Variants in ALG8 observed in about 807,000 individuals in gnomAD.
ALG8 encodes the protein dolichyl pyrophosphate Glc1Man9GlcNAc2 alpha-1,3-glucosyltransferase.
A neutral mutation model predicts 70.2 loss-of-function variants in ALG8; 48 were observed. The observed-to-expected ratio is 0.68, with a 90% CI of 0.54 to 0.87. ALG8 has a LOEUF of 0.87. ALG8 is among the 40% of genes least tolerant of loss of function. The pLI is 0.00. For synonymous variants in ALG8, 234 were observed against 229.0 expected, an observed-to-expected ratio of 1.02 and a Z score of -0.20; for missense variants, 572 against 608.7, an observed-to-expected ratio of 0.94 and a Z score of 0.64.
Position 78,109,491 on chromosome 11 carries a change from G to A in ALG8, c.989C>T (p.Pro330Leu), listed in dbSNP as rs1402505206. 1.2e-6 allele frequency: 2 copies of A among 1,614,016 alleles called. No homozygotes were observed. Among genetic ancestry groups the A allele is most frequent in the Non-Finnish European group, 1.7e-6 (2 of 1,180,018 alleles). The stretch of plus-strand genomic sequence containing the variant: ...GAGGGTTGCCAAGGGAGTCACTGAG[G>A]GAAGGACTGTGTGTTGGAACTGCTG... ...LVQQFQHTVL[P>L]SVTPLATLIC... The change falls in exon 9 of 13, where the codon CCC becomes CTC. Residue 330 changes from proline (P) to leucine (L), a missense_variant. Physicochemically the swap from Pro to Leu is moderately conservative, Grantham distance 98. Transcript: ENST00000299626.
intron 1 of ALG8, among the ~76,000 whole-genome samples, chr11:78,135,559 A>T (rs629390): frequency 0.22 from 33,137 of 150,954 alleles, 4,481 homozygotes; most frequent in African/African-American, 0.38. Context: ...AAATACATTT[A>T]AAAAAAAAGC....
chr11:78,132,683 T>C (rs626477), intron 1 of ALG8, among the ~76,000 whole-genome samples: 32,973 of 151,796 alleles, frequency 0.22, 4,397 homozygotes, highest in African/African-American at 0.38. Flanking sequence ...TTCTACACAC[T>C]TGCACACACC....
chr11:78,130,348 C>CAAAAAAAAAA (rs1174378754), intron 1 of ALG8, among the ~76,000 whole-genome samples: 27,520 of 48,154 alleles, frequency 0.57, 8,684 homozygotes, highest in Non-Finnish European at 0.66. Context: ...GACCCGGTCT[C>CAAAAAAAAAA]AAAAAAAAAA....
chr11:78,137,614 C>G (rs527922010), intron 1 of ALG8: 111 of 152,286 alleles, frequency 7.3e-4, no homozygotes, highest in African/African-American at 2.5e-3. Context: ...ATTGGCCTAA[C>G]TTTATTATTG....
At chr11:78,113,073 C>G (rs1297088384) in intron 7 of ALG8, among the ~76,000 whole-genome samples, 1 of 152,090 alleles carries the variant, frequency 6.6e-6, no homozygotes, top group East Asian at 1.9e-4. Flanking sequence ...TCCATGTCTA[C>G]TAGGGTGAAG....
At chr11:78,122,911 A>G (rs1214327654) in intron 3 of ALG8, among the ~76,000 whole-genome samples, 1 of 152,212 alleles carries the variant, frequency 6.6e-6, no homozygotes, top group Non-Finnish European at 1.5e-5. Context: ...GCAAGGGTTC[A>G]GTGTAGAGGG....
intron 5 of ALG8, among the ~76,000 whole-genome samples, chr11:78,116,684 T>C (rs1479827707): frequency 6.6e-6 from 1 of 150,620 alleles, no homozygotes; most frequent in Non-Finnish European, 1.5e-5. Context: ...CACCACTGCA[T>C]TCTCCAGCCT....
intron 12 of ALG8, among the ~76,000 whole-genome samples, chr11:78,102,284 A>C (rs1222772567): frequency 6.6e-6 from 1 of 152,086 alleles, no homozygotes; most frequent in Non-Finnish European, 1.5e-5. Context: ...ATGTTTGTTT[A>C]TTCTAGAATT....
intron 10 of ALG8, 78 bp from the exon 11 acceptor site, chr11:78,104,531 T>C: frequency 7.6e-7 from 1 of 1,314,446 alleles, no homozygotes; most frequent in Non-Finnish European, 1.1e-6. Flanking sequence ...CATCTCCTAT[T>C]ACATTAGAAC....
intron 9 of ALG8, among the ~76,000 whole-genome samples, chr11:78,108,061 C>T (rs1198231145): frequency 6.6e-6 from 1 of 151,790 alleles, no homozygotes; most frequent in Non-Finnish European, 1.5e-5. Flanking sequence ...GGGCGGATCA[C>T]GAGGTCAGGA....
intron 7 of ALG8, 137 bp from the exon 8 acceptor site, chr11:78,112,907 C>G: frequency 9.8e-7 from 1 of 1,022,516 alleles, no homozygotes; most frequent in Non-Finnish European, 1.4e-6. Context: ...TGGTTATATG[C>G]TCACCACAAT....
At position 78,109,468 on chromosome 11, in the gene ALG8, G is replaced by C. The variant is rs755722559; in HGVS notation, c.1012C>G (p.Leu338Val). ...AATATGGCAATCAGTGTGCAGATGA[G>C]GGTTGCCAAGGGAGTCACTGAGGGA... ...VLPSVTPLAT[L>V]ICTLIAILPS... The change falls in exon 9 of 13, where the codon CTC becomes GTC. Residue 338 changes from leucine to valine, a missense_variant. By Grantham distance (32) the Leu-to-Val change is conservative. Transcript: ENST00000299626. The C allele has an allele frequency of 4.3e-6, 7 of 1,614,164 alleles. No homozygotes were observed. In the South Asian group the frequency reaches 5.5e-5, roughly 13 times the overall value.
chr11:78,117,782 G>GA (rs144110832), intron 5 of ALG8, among the ~76,000 whole-genome samples: 3,210 of 132,830 alleles, frequency 0.024, 119 homozygotes, highest in African/African-American at 0.085. Context: ...CAACTCTTAA[G>GA]AAAAAAAAAA....
At chr11:78,139,410 C>G in intron 1 of ALG8, 84 bp downstream of exon 1, 2 of 1,328,644 alleles carry the variant, frequency 1.5e-6, no homozygotes, top group African/African-American at 1.5e-5. Context: ...TCTCTTCATA[C>G]CCAGGGATAT....
intron 9 of ALG8, 131 bp downstream of exon 9, chr11:78,109,311 A>C (rs1208666946): frequency 3.1e-5 from 38 of 1,229,514 alleles, no homozygotes; most frequent in Non-Finnish European, 4.2e-5. Context: ...GAAATGCTTC[A>C]ATCTGCAGAA....
chr11:78,124,610 A>C (rs1298566960), intron 2 of ALG8, among the ~76,000 whole-genome samples: 1 of 152,216 alleles, frequency 6.6e-6, no homozygotes. Flanking sequence ...ACTACACTTA[A>C]AGGAAATTAA....
Position 78,127,370 on chromosome 11 carries a change from C to T in ALG8, c.162G>A (p.Gln54=), listed in dbSNP as rs1201762456. The T allele has an allele frequency of 5.0e-6, 8 of 1,612,864 alleles. No individual in the cohort carries two copies. Among genetic ancestry groups the T allele is most frequent in the Non-Finnish European group, 6.8e-6 (8 of 1,179,230 alleles). The change falls in exon 2 of 13, where the codon CAG becomes CAA. Residue 54 remains glutamine (Q), a synonymous_variant. Transcript: ENST00000299626. ...AATTAAAACTTACCTCATAATACCA[C>T]TGTGATATTGGCAAACTGTGAGTGA... ...LAITHSLPIS[Q]WYYEATSEWT... is the part of the protein sequence containing the mutation.
chr11:78,107,484 G>T (rs1321280999), intron 9 of ALG8, among the ~76,000 whole-genome samples: 2 of 148,822 alleles, frequency 1.3e-5, no homozygotes, highest in African/African-American at 4.9e-5. Context: ...CTCCCAAAGT[G>T]CTGGGATTAC....
At chr11:78,116,398 A>C (rs1049641664) in intron 5 of ALG8, among the ~76,000 whole-genome samples, 1 of 151,396 alleles carries the variant, frequency 6.6e-6, no homozygotes, top group Non-Finnish European at 1.5e-5. Context: ...AAACAAAACA[A>C]AACCAGCTTA....
Sources: gnomAD v4.1 joint callset for allele counts (sites outside exome capture counted in the v4.1 genomes callset) on GRCh38, gnomAD v4.1.1 for gene constraint, MANE v1.5 for transcripts, NCBI Gene and HGNC (gene_info 2026-07-23, HGNC 2026-07-21) for gene names.